Variants in IKZF2 observed in about 807,000 individuals in gnomAD.
IKZF2 encodes IKAROS family zinc finger 2.
IKZF2 carries 15 observed loss-of-function variants against 49.2 expected under a neutral mutation model. The ratio of observed to expected loss-of-function variants is 0.30; its 90% CI spans 0.20 to 0.47. The LOEUF (loss-of-function observed/expected upper bound fraction) is 0.47, where lower values mean the gene tolerates loss of function less well. IKZF2 is among the 20% of genes least tolerant of loss of function. The pLI, the probability that IKZF2 is intolerant of heterozygous loss-of-function variation, is 1.00. For missense variants in IKZF2, 567 were observed against 664.6 expected (o/e 0.85, Z 1.61); for synonymous variants, 227 against 221.4 (o/e 1.03, Z -0.23).
intron 4 of IKZF2, among the ~76,000 whole-genome samples, chr2:213,079,059 T>C (rs548558402): frequency 6.6e-6 from 1 of 152,272 alleles, no homozygotes; most frequent in African/African-American, 2.4e-5. Context: ...TTTCTCTTTT[T>C]TGTTGAGGGA....
At chr2:213,066,969 T>C (rs576282352) in intron 4 of IKZF2, among the ~76,000 whole-genome samples, 1 of 152,210 alleles carries the variant, frequency 6.6e-6, no homozygotes, top group South Asian at 2.1e-4. Flanking sequence ...ACATTAAAAC[T>C]GTGAAGACTG....
chr2:213,098,096 A>G (rs144852758), intron 4 of IKZF2: 81 of 158,380 alleles, frequency 5.1e-4, no homozygotes, highest in African/African-American at 1.5e-3. Context: ...ACTGTGCATC[A>G]GAATTATCTG....
chr2:213,058,065 C>G (rs1701335548), intron 4 of IKZF2, among the ~76,000 whole-genome samples: 1 of 151,998 alleles, frequency 6.6e-6, no homozygotes, highest in African/African-American at 2.4e-5. Flanking sequence ...CTAAGCAAAA[C>G]AACTTATTTG....
chr2:213,007,725 C>T lies in IKZF2; in HGVS notation c.1216G>A (p.Asp406Asn). ...REASPSNSCL[D>N]STDSESSHDD... The stretch of plus-strand genomic sequence containing the variant: ...TGGCTGCTTTCTGAGTCAGTGGAAT[C>T]CAGGCAGCTATTGCTGGGAGAGGCC... Residue 406 changes from aspartate to asparagine, a missense_variant, in exon 9 of 9, where the codon GAT becomes AAT. By Grantham distance (23) the Asp-to-Asn change is conservative (BLOSUM62 1). Coordinates refer to ENST00000434687, the MANE Select transcript of IKZF2 (RefSeq NM_001387220.1). 6.2e-7 allele frequency: 1 copy of T among 1,613,660 alleles called. No individual in the cohort carries two copies. Among genetic ancestry groups the T allele is most frequent in the African/African-American group, 1.3e-5 (1 of 74,990 alleles).
chr2:213,104,532 G>C (rs2059458524), intron 4 of IKZF2, among the ~76,000 whole-genome samples: 2 of 152,224 alleles, frequency 1.3e-5, no homozygotes, highest in African/African-American at 4.8e-5. Flanking sequence ...TGAAATGAAA[G>C]CATTCCCCCC....
rs1051194932 is a variant in IKZF2 at position 213,030,191 on chromosome 2, G to A, written c.575-8061C>T. ...GTCAAAATTGTTGGTAGTTTCCCAC[G>A]TTGTGATTTCTTTACTGTTTTAAGT... On this transcript the variant is annotated intron_variant, in intron 6 of 8. Coordinates refer to ENST00000434687, the MANE Select transcript of IKZF2 (RefSeq NM_001387220.1). Among the ~76,000 whole-genome samples, 3 of 152,036 alleles carry A rather than the reference G, an allele frequency of 2.0e-5. No homozygotes were observed. In the South Asian group the frequency reaches 6.2e-4, roughly 32 times the overall value.
At chr2:213,039,227 C>T (rs1699367888) in intron 6 of IKZF2, among the ~76,000 whole-genome samples, 1 of 151,770 alleles carries the variant, frequency 6.6e-6, no homozygotes, top group South Asian at 2.1e-4. Flanking sequence ...ATAAACTAGG[C>T]TATTTAATTG....
intron 4 of IKZF2, chr2:213,147,344 T>G: frequency 2.3e-6 from 1 of 437,416 alleles, no homozygotes; most frequent in East Asian, 3.4e-5. Flanking sequence ...TAAAATTATT[T>G]CATTTTTTAA....
At chr2:213,133,144 T>C (rs11687455) in intron 4 of IKZF2, among the ~76,000 whole-genome samples, 1 of 152,242 alleles carries the variant, frequency 6.6e-6, no homozygotes, top group African/African-American at 2.4e-5. Flanking sequence ...TTAGTTATTA[T>C]GTAATTCAAC....
In IKZF2 at chr2:213,001,204, G is replaced by A. The variant is rs530884319; in HGVS notation, c.*6156C>T. ...TTGCAAATAACACATGGTCTAAAAGGTCCAACTATTAACAGCAAATATGGG... is the reference window on the plus strand; with the variant it reads ...TTGCAAATAACACATGGTCTAAAAGATCCAACTATTAACAGCAAATATGGG... On this transcript the variant is annotated 3_prime_UTR_variant, in exon 9 of 9. Coordinates refer to ENST00000434687, the MANE Select transcript of IKZF2 (RefSeq NM_001387220.1). The A allele has an allele frequency of 1.6e-4, 24 of 151,958 alleles. No individual in the cohort carries two copies. Among genetic ancestry groups the A allele is most frequent in the African/African-American group, 4.6e-4 (19 of 41,456 alleles). 9.4% of individuals were successfully genotyped at this position (151,958 alleles called of 1,614,324 possible).
intron 4 of IKZF2, among the ~76,000 whole-genome samples, chr2:213,060,041 C>T (rs965530619): frequency 1.3e-5 from 2 of 151,194 alleles, no homozygotes; most frequent in Non-Finnish European, 3.0e-5. Context: ...GCATGTCATA[C>T]ATTAAATTTT....
chr2:213,084,058 A>C (rs1704288247), intron 4 of IKZF2, among the ~76,000 whole-genome samples: 1 of 152,130 alleles, frequency 6.6e-6, no homozygotes, highest in South Asian at 2.1e-4. Context: ...GATTATTTGG[A>C]GTAAGTCAGG....
intron 8 of IKZF2, among the ~76,000 whole-genome samples, chr2:213,009,117 G>A (rs1260265708): frequency 6.6e-6 from 1 of 151,986 alleles, no homozygotes; most frequent in Non-Finnish European, 1.5e-5. Flanking sequence ...GTATGTGATA[G>A]TGCTGGTACG....
Position 213,056,944 on chromosome 2 carries a change from G to A in IKZF2, c.295C>T (p.Leu99Phe). 1 of 1,613,740 alleles carries A rather than the reference G, an allele frequency of 6.2e-7. No homozygotes were observed. Among genetic ancestry groups the A allele is most frequent in the Non-Finnish European group, 8.5e-7 (1 of 1,179,858 alleles). ...AGCCGGATTCCTCCCTCGCCTTGAA[G>A]CTCCTGGACTTTCCTGTTGTCAGCC... ...EVADNRKVQE[L>F]QGEGGIRLPN... The change falls in exon 5 of 9, where the codon CTT (leucine) becomes TTT (phenylalanine). Residue 99 changes from leucine to phenylalanine, a missense_variant. Physicochemically the swap from Leu to Phe is conservative, Grantham distance 22. This residue lies in a region of IKZF2 where 156 missense variants were observed against 138.5 expected (regional missense o/e 1.13). Coordinates refer to ENST00000434687, the MANE Select transcript of IKZF2 (RefSeq NM_001387220.1).
chr2:213,112,053 T>C (rs956566241), intron 4 of IKZF2, among the ~76,000 whole-genome samples: 2 of 152,112 alleles, frequency 1.3e-5, no homozygotes, highest in African/African-American at 4.8e-5. Flanking sequence ...CCAGAAAGAT[T>C]TGCAGAGGAG....
intron 4 of IKZF2, among the ~76,000 whole-genome samples, chr2:213,107,893 G>C (rs542716626): frequency 6.6e-6 from 1 of 152,152 alleles, no homozygotes; most frequent in South Asian, 2.1e-4. Flanking sequence ...GTGTAGGTTA[G>C]TTTTCATATC....
chr2:213,143,237 T>C (rs1356181633), intron 4 of IKZF2, among the ~76,000 whole-genome samples: 9 of 151,994 alleles, frequency 5.9e-5, no homozygotes, highest in Admixed American at 5.9e-4. Flanking sequence ...TCAATGGTGT[T>C]ACCTTTTTTT....
At chr2:213,079,535 G>A (rs1174882963) in intron 4 of IKZF2, among the ~76,000 whole-genome samples, 3 of 146,842 alleles carry the variant, frequency 2.0e-5, no homozygotes, top group Non-Finnish European at 4.5e-5. Context: ...AGGAAGGGAG[G>A]GAGGGAAGGA....
chr2:213,072,319 C>T (rs1198556893), intron 4 of IKZF2, among the ~76,000 whole-genome samples: 1 of 146,954 alleles, frequency 6.8e-6, no homozygotes, highest in African/African-American at 2.5e-5. Context: ...TCTGTTTCGA[C>T]TGATGATCTC....
Sources: allele counts gnomAD v4.1 joint callset (sites outside exome capture counted in the v4.1 genomes callset), GRCh38; gene constraint gnomAD v4.1.1; regional missense constraint gnomAD v4.1.1; transcripts MANE v1.5; gene names NCBI Gene and HGNC (gene_info 2026-07-23, HGNC 2026-07-21).